The following FBXO4 variants were observed in gnomAD, a reference collection of about 807,000 sequenced individuals.
The protein encoded by FBXO4 is F-box protein 4, also known as F-box only protein 4.
A neutral mutation model predicts 43.7 loss-of-function variants in FBXO4; 36 were observed. That is an observed-to-expected ratio of 0.82 (90% CI 0.63 to 1.09). The LOEUF (loss-of-function observed/expected upper bound fraction) is 1.09. Ranked by LOEUF, FBXO4 falls within the 50% of genes least tolerant of loss-of-function variation. The pLI, the probability that FBXO4 is intolerant of heterozygous loss-of-function variation, is 0.00. For synonymous variants in FBXO4, 180 were observed against 165.6 expected, an observed-to-expected ratio of 1.09 and a Z score of -0.67; for missense variants, 435 against 474.1, an observed-to-expected ratio of 0.92 and a Z score of 0.77.
chr5:41,989,304 C>CAT, the FBXO4 span, among the ~76,000 whole-genome samples: 19 of 152,050 alleles, frequency 1.2e-4, no homozygotes, highest in Middle Eastern at 3.4e-3. Flanking sequence ...TGTAAGTAAA[C>CAT]ATATATATAT....
chr5:41,956,318 A>G, the FBXO4 span, among the ~76,000 whole-genome samples: 1 of 152,246 alleles, frequency 6.6e-6, no homozygotes, highest in Non-Finnish European at 1.5e-5. Flanking sequence ...ACTTGAAATG[A>G]AAAACACACT....
chr5:41,993,165 T>A, the FBXO4 span, among the ~76,000 whole-genome samples: 1 of 152,334 alleles, frequency 6.6e-6, no homozygotes, highest in East Asian at 1.9e-4. Flanking sequence ...CTGCTATTTA[T>A]CAGGTGACAA....
the FBXO4 span, among the ~76,000 whole-genome samples, chr5:41,982,537 G>A: frequency 6.6e-6 from 1 of 151,596 alleles, no homozygotes; most frequent in Non-Finnish European, 1.5e-5. Context: ...ACTTCTGTTG[G>A]TAGTCAGTCC....
At chr5:41,934,941 A>T in intron 5 of FBXO4, 8 of 961,754 alleles carry the variant, frequency 8.3e-6, no homozygotes, top group Non-Finnish European at 9.9e-6. Flanking sequence ...TACATAATAT[A>T]TTGTATATAT....
At chr5:41,988,176 A>G in the FBXO4 span, among the ~76,000 whole-genome samples, 2 of 152,174 alleles carry the variant, frequency 1.3e-5, no homozygotes, top group Non-Finnish European at 2.9e-5. Flanking sequence ...TTAGTGAGCC[A>G]GTATCTCTGG....
chr5:42,033,264 C>G, the FBXO4 span, among the ~76,000 whole-genome samples: 1 of 152,156 alleles, frequency 6.6e-6, no homozygotes, highest in South Asian at 2.1e-4. Context: ...CTCCAGTCCA[C>G]TGTCTCTTGT....
chr5:41,993,098 G>A, the FBXO4 span, among the ~76,000 whole-genome samples: 960 of 152,154 alleles, frequency 6.3e-3, 15 homozygotes, highest in African/African-American at 0.022. Flanking sequence ...ATTAGTTTTC[G>A]TGACCACAGT....
At chr5:41,948,981 G>A in the FBXO4 span, among the ~76,000 whole-genome samples, 3 of 152,166 alleles carry the variant, frequency 2.0e-5, no homozygotes, top group Non-Finnish European at 4.4e-5. Flanking sequence ...TATCTCAATA[G>A]AGGCAGAAAA....
At chr5:42,001,378 C>T in the FBXO4 span, among the ~76,000 whole-genome samples, 919 of 152,244 alleles carry the variant, frequency 6.0e-3, 9 homozygotes, top group African/African-American at 0.021. Context: ...TACAGGCACA[C>T]GCCACCATGC....
the FBXO4 span, among the ~76,000 whole-genome samples, chr5:42,025,940 A>G: frequency 1.3e-5 from 2 of 151,870 alleles, no homozygotes; most frequent in African/African-American, 2.4e-5. Context: ...TTTAGCTACT[A>G]TACTTCTGTA....
At chr5:41,957,473 T>C in the FBXO4 span, among the ~76,000 whole-genome samples, 1 of 148,626 alleles carries the variant, frequency 6.7e-6, no homozygotes, top group Admixed American at 6.7e-5. Flanking sequence ...TTAACTATAT[T>C]AATAACAATA....
the FBXO4 span, among the ~76,000 whole-genome samples, chr5:41,982,516 A>G: frequency 3.9e-5 from 6 of 151,976 alleles, no homozygotes; most frequent in Admixed American, 3.3e-4. Flanking sequence ...TTTTTGTTAT[A>G]TATCTGTATC....
downstream of FBXO4, among the ~76,000 whole-genome samples, chr5:41,946,547 A>G (rs891092103): frequency 7.2e-5 from 11 of 152,330 alleles, no homozygotes; most frequent in African/African-American, 2.6e-4. Flanking sequence ...GAAACGATCT[A>G]TTTCATGACT....
At chr5:41,973,471 G>A in the FBXO4 span, among the ~76,000 whole-genome samples, 1 of 152,142 alleles carries the variant, frequency 6.6e-6, no homozygotes, top group African/African-American at 2.4e-5. Context: ...GAGCCCAGGG[G>A]TTTGAGACCA....
At chr5:42,007,719 AAT>A in the FBXO4 span, among the ~76,000 whole-genome samples, 22 of 152,128 alleles carry the variant, frequency 1.4e-4, no homozygotes, top group Non-Finnish European at 2.2e-4. Context: ...TAGTTTTTTA[AAT>A]ATATTCAAGC....
At chr5:41,931,552 C>G (rs1751688864) in intron 3 of FBXO4, among the ~76,000 whole-genome samples, 1 of 152,168 alleles carries the variant, frequency 6.6e-6, no homozygotes, top group South Asian at 2.1e-4. Context: ...AATGGAAGCT[C>G]CATGAAGGTA....
At chr5:41,941,163 TA>T (rs780153987) in intron 6 of FBXO4, 28 bp from the exon 7 acceptor site, 2 of 1,587,898 alleles carry the variant, frequency 1.3e-6, no homozygotes, top group African/African-American at 2.7e-5. Flanking sequence ...AGTTTCTTAC[TA>T]ACAACATTCT....
At chr5:42,026,789 C>A in the FBXO4 span, among the ~76,000 whole-genome samples, 1 of 151,792 alleles carries the variant, frequency 6.6e-6, no homozygotes, top group African/African-American at 2.4e-5. Context: ...GCTTTTTCAC[C>A]ATCACTTGAA....
intron 3 of FBXO4, 76 bp downstream of exon 3, chr5:41,929,993 T>G (rs1751632881): frequency 8.3e-7 from 1 of 1,198,022 alleles, no homozygotes; most frequent in East Asian, 2.4e-5. Context: ...AGAAATTCAT[T>G]TTAAATTAAT....
Sources: gnomAD v4.1 joint callset for allele counts (sites outside exome capture counted in the v4.1 genomes callset) on GRCh38, gnomAD v4.1.1 for gene constraint, MANE v1.5 for transcripts, NCBI Gene and HGNC (gene_info 2026-07-23, HGNC 2026-07-21) for gene names.